Variants in DSCAML1 observed in about 807,000 individuals in gnomAD.
DSCAML1 encodes cell adhesion molecule DSCAML1.
DSCAML1 carries 38 observed loss-of-function variants against 200.5 expected under a neutral mutation model. That is an observed-to-expected ratio of 0.19 (90% CI 0.15 to 0.25). The LOEUF (loss-of-function observed/expected upper bound fraction) is 0.25, where lower values mean the gene tolerates loss of function less well. DSCAML1 is among the 10% of genes least tolerant of loss of function. DSCAML1 has a pLI of 1.00. For synonymous variants in DSCAML1, 1,215 were observed against 1,165.0 expected (o/e 1.04, Z -0.87); for missense variants, 2,223 against 2,858.8 (o/e 0.78, Z 5.07).
intron 3 of DSCAML1, among the ~76,000 whole-genome samples, chr11:117,635,071 T>C (rs1272187147): frequency 6.6e-6 from 1 of 152,228 alleles, no homozygotes; most frequent in African/African-American, 2.4e-5. Context: ...CAAATCGCCC[T>C]TTCGGGGGCT....
intron 3 of DSCAML1, among the ~76,000 whole-genome samples, chr11:117,566,735 T>G (rs12792064): frequency 0.28 from 33,076 of 117,204 alleles, 4,298 homozygotes; most frequent in Non-Finnish European, 0.3. Context: ...CCACTCCCCC[T>G]ACCCCACAAC....
In DSCAML1 at chr11:117,460,571, C is replaced by G. The variant is rs377416252; in HGVS notation, c.3412+879G>C. On this transcript the variant is annotated intron_variant, in intron 18 of 32. Transcript: ENST00000651296. ...TGGAGCATTTCCACAGTATGGGATG[C>G]CTGTCCTCTGACCTGTGTGAGCTAC... Among the ~76,000 whole-genome samples the G allele has an allele frequency of 9.2e-5, 14 of 152,172 alleles. No homozygotes were observed. In the East Asian group the frequency reaches 1.2e-3, roughly 13 times the overall value.
At position 117,428,326 on chromosome 11, in the gene DSCAML1, C is replaced by G. The variant is rs143156713; in HGVS notation, c.*2G>C. 5.8e-5 allele frequency: 87 copies of G among 1,487,250 alleles called. No individual in the cohort carries two copies. The African/African-American group carries it at 1.1e-3, about 20-fold the overall frequency. The allele number at this position is 1,487,250 out of a possible 1,614,324, so 92.1% of individuals were successfully genotyped here. On this transcript the variant is annotated 3_prime_UTR_variant, in exon 33 of 33. Coordinates refer to ENST00000651296, the MANE Select transcript of DSCAML1 (RefSeq NM_020693.4). ...CAGGCGTGGCTGCTCTTCCTGCGGGCCCTACACCAGGGTGTAGGATTTGGA... is the reference window on the plus strand; with the variant it reads ...CAGGCGTGGCTGCTCTTCCTGCGGGGCCTACACCAGGGTGTAGGATTTGGA...
intron 3 of DSCAML1, among the ~76,000 whole-genome samples, chr11:117,674,207 G>A (rs909549814): frequency 4.6e-5 from 7 of 152,200 alleles, no homozygotes; most frequent in Admixed American, 1.3e-4. Context: ...CTCATGACCT[G>A]AGCCCTGGTG....
At chr11:117,512,657 C>CGT (rs1245666990) in intron 8 of DSCAML1, among the ~76,000 whole-genome samples, 6 of 103,494 alleles carry the variant, frequency 5.8e-5, no homozygotes, top group East Asian at 2.3e-4. Context: ...CACACACACA[C>CGT]ACACACACAC....
In DSCAML1 at chr11:117,498,314, C is replaced by G. The variant is rs1318727149; in HGVS notation, c.2359+5531G>C. Among the ~76,000 whole-genome samples, 1 of 152,198 alleles carries G rather than the reference C, an allele frequency of 6.6e-6. No individual in the cohort carries two copies. The highest frequency in any genetic ancestry group is 2.4e-5 in the African/African-American group (1 of 41,458). On this transcript the variant is annotated intron_variant, in intron 11 of 32. Transcript: ENST00000651296. The surrounding 1 kb of genome is among the most constrained non-coding windows in gnomAD (Gnocchi z 4.0). ...GCCCAGGCTCCACTTACATGCTCTG[C>G]CAACAGCCGTCCCTCAGCTCTAGGG...
intron 16 of DSCAML1, among the ~76,000 whole-genome samples, chr11:117,468,302 A>G (rs115291269): frequency 0.019 from 2,578 of 134,502 alleles, 73 homozygotes; most frequent in African/African-American, 0.078. Context: ...CTGTTTCTCA[A>G]TGTTAAAAAA....
At chr11:117,523,591 A>T (rs1482663478) in intron 5 of DSCAML1, among the ~76,000 whole-genome samples, 2 of 152,180 alleles carry the variant, frequency 1.3e-5, no homozygotes, top group African/African-American at 4.8e-5. Context: ...GTAGATAAAC[A>T]CACTCCAACT....
chr11:117,466,390 G>A (rs2048580342), intron 16 of DSCAML1, among the ~76,000 whole-genome samples: 1 of 152,210 alleles, frequency 6.6e-6, no homozygotes, highest in African/African-American at 2.4e-5. Flanking sequence ...GTGGTACTTA[G>A]AATAGTCAAA....
At chr11:117,722,323 A>G (rs1221943847) in intron 3 of DSCAML1, among the ~76,000 whole-genome samples, 1 of 150,774 alleles carries the variant, frequency 6.6e-6, no homozygotes, top group Non-Finnish European at 1.5e-5. Context: ...AAAAAAAAAA[A>G]GTTGAGCTCA....
intron 3 of DSCAML1, among the ~76,000 whole-genome samples, chr11:117,565,497 A>C (rs1207153418): frequency 6.6e-6 from 1 of 152,118 alleles, no homozygotes; most frequent in East Asian, 1.9e-4. Context: ...CACAGTATCT[A>C]ATTTACTTGT....
Position 117,432,255 on chromosome 11 carries a change from C to T in DSCAML1, c.5179+97G>A, listed in dbSNP as rs182525693. On this transcript the variant is annotated intron_variant, in intron 30 of 32. Transcript: ENST00000651296. ...TTTTTGCATTCTATTCCATTAAGCT[C>T]CCTCCTCCCTTTAAAAAAAAACACC... The T allele has an allele frequency of 2.3e-5, 31 of 1,352,714 alleles. No homozygotes were observed. In the Admixed American group the frequency reaches 6.1e-4, roughly 26 times the overall value. The allele number at this position is 1,352,714 out of a possible 1,614,324, so 83.8% of individuals were successfully genotyped here.
intron 3 of DSCAML1, among the ~76,000 whole-genome samples, chr11:117,614,381 C>T (rs116540844): frequency 0.017 from 2,580 of 152,192 alleles, 69 homozygotes; most frequent in African/African-American, 0.058. Context: ...ACCCTCTGAC[C>T]GCCTGGATTC....
intron 8 of DSCAML1, among the ~76,000 whole-genome samples, chr11:117,514,076 T>A (rs1457214931): frequency 2.0e-5 from 3 of 152,234 alleles, no homozygotes; most frequent in African/African-American, 7.2e-5. Flanking sequence ...ATAGTGTGTG[T>A]GTTCCATGTT....
At position 117,438,853 on chromosome 11, in the gene DSCAML1, CT is replaced by C. The variant is rs774160292; in HGVS notation, c.4243+31del. 4.2e-5 allele frequency: 63 copies of C among 1,501,092 alleles called. 1 individual carries two copies. The South Asian group carries it at 7.3e-4, about 17-fold the overall frequency. 93.0% of individuals were successfully genotyped at this position (1,501,092 alleles called of 1,614,324 possible). ...TGCCCCGGGCCCAGAATTCCTTCCCCTATCTTCCCCCGCATCCAGACCCCTC... is the reference window on the plus strand; with the variant it reads ...TGCCCCGGGCCCAGAATTCCTTCCCCATCTTCCCCCGCATCCAGACCCCTC... On this transcript the variant is annotated intron_variant, in intron 24 of 32. Coordinates refer to ENST00000651296, the MANE Select transcript of DSCAML1 (RefSeq NM_020693.4).
intron 3 of DSCAML1, among the ~76,000 whole-genome samples, chr11:117,771,123 A>G (rs2055030798): frequency 6.6e-6 from 1 of 152,154 alleles, no homozygotes; most frequent in Non-Finnish European, 1.5e-5. Context: ...GGTTTCCAGC[A>G]CCGGCACCAC....
At position 117,480,009 on chromosome 11, in the gene DSCAML1, A is replaced by G. The variant is rs964887698; in HGVS notation, c.2785+434T>C. On this transcript the variant is annotated intron_variant, in intron 14 of 32. Coordinates refer to ENST00000651296, the MANE Select transcript of DSCAML1 (RefSeq NM_020693.4). This position sits in a 1 kb window ranked among gnomAD's most constrained non-coding sequence, Gnocchi z 4.1. ...TTCCAGGGCCTCCTATCCCCCACTC[A>G]TGGGGACCATTCTTAGGACCAGCTC... 1.3e-5 allele frequency among the ~76,000 whole-genome samples: 2 copies of G among 152,130 alleles called. No individual in the cohort carries two copies. The highest frequency in any genetic ancestry group is 2.1e-4 in the South Asian group (1 of 4,822).
At position 117,469,807 on chromosome 11, in the gene DSCAML1, A is replaced by G. The variant is rs1167540675; in HGVS notation, c.3024+103T>C. On this transcript the variant is annotated intron_variant, in intron 16 of 32. Transcript: ENST00000651296. This position sits in a 1 kb window ranked among gnomAD's most constrained non-coding sequence, Gnocchi z 4.1. Reference sequence around the variant, plus strand: ...TAGTGACAAAACAGACATGGGCATCATATAAGACTAGAGACTAGCAAGCCT... The same window carrying G: ...TAGTGACAAAACAGACATGGGCATCGTATAAGACTAGAGACTAGCAAGCCT... 9.5e-7 allele frequency: 1 copy of G among 1,051,420 alleles called. No individual in the cohort carries two copies. The allele number at this position is 1,051,420 out of a possible 1,614,324, so 65.1% of individuals were successfully genotyped here.
chr11:117,768,506 T>A (rs2054939150), intron 3 of DSCAML1, among the ~76,000 whole-genome samples: 1 of 151,912 alleles, frequency 6.6e-6, no homozygotes, highest in Non-Finnish European at 1.5e-5. Flanking sequence ...GGAGCACAGG[T>A]GGTGAGTAAT....
Sources: gnomAD v4.1 joint callset for allele counts (sites outside exome capture counted in the v4.1 genomes callset) on GRCh38, gnomAD v4.1.1 for gene constraint, Gnocchi (gnomAD v3.1) non-coding constraint, MANE v1.5 for transcripts, NCBI Gene and HGNC (gene_info 2026-07-23, HGNC 2026-07-21) for gene names.